UNC13C: variants seen among roughly 807,000 people sequenced by gnomAD.
UNC13C encodes the protein protein unc-13 homolog C.
A neutral mutation model predicts 245.4 loss-of-function variants in UNC13C; 174 were observed. That is an observed-to-expected ratio of 0.71 (90% CI 0.63 to 0.80). UNC13C has a LOEUF of 0.80. UNC13C is among the 30% of genes least tolerant of loss of function. The probability of loss-of-function intolerance (pLI) is 0.00; values close to 1 mark genes in which losing one functional copy is unlikely to be tolerated. For synonymous variants in UNC13C, 992 were observed against 895.1 expected, an observed-to-expected ratio of 1.11 and a Z score of -1.93; for missense variants, 2,829 against 2,602.9, an observed-to-expected ratio of 1.09 and a Z score of -1.89.
chr15:54,622,765 A>G (rs1395440336), intron 31 of UNC13C, among the ~76,000 whole-genome samples: 1 of 152,124 alleles, frequency 6.6e-6, no homozygotes, highest in Non-Finnish European at 1.5e-5. Flanking sequence ...TGCTTTTTCT[A>G]TATGATTTCC....
chr15:54,455,969 G>C, intron 19 of UNC13C, among the ~76,000 whole-genome samples: 1 of 152,036 alleles, frequency 6.6e-6, no homozygotes, highest in Non-Finnish European at 1.5e-5. Flanking sequence ...GACTTTTTCT[G>C]ATGTTATCTT....
intron 17 of UNC13C, among the ~76,000 whole-genome samples, chr15:54,369,749 A>G (rs546755140): frequency 2.0e-5 from 3 of 152,282 alleles, no homozygotes; most frequent in Non-Finnish European, 4.4e-5. Context: ...CACTCAGATT[A>G]GTCAACTTGC....
chr15:54,145,808 T>C (rs1328367000), intron 4 of UNC13C, among the ~76,000 whole-genome samples: 1 of 152,252 alleles, frequency 6.6e-6, no homozygotes, highest in African/African-American at 2.4e-5. Context: ...ATTTGCTAAC[T>C]CATGTCTGAA....
Position 54,290,752 on chromosome 15 carries a change from G to T in UNC13C, c.3819-3143G>T, listed in dbSNP as rs146652733. On this transcript the variant is annotated intron_variant, in intron 10 of 32. Coordinates refer to ENST00000260323, the MANE Select transcript of UNC13C (RefSeq NM_001080534.3). ...AAAAACTAGAAGCTCAAAAAAATTT[G>T]CCTCAAAATGAGATGGATATTTTTT... Among the ~76,000 whole-genome samples, 6 of 152,070 alleles carry T rather than the reference G, an allele frequency of 3.9e-5. No individual in the cohort carries two copies. The East Asian group carries it at 7.7e-4, about 20-fold the overall frequency.
chr15:53,918,950 A>G, the UNC13C span, among the ~76,000 whole-genome samples: 10 of 152,220 alleles, frequency 6.6e-5, no homozygotes, highest in African/African-American at 2.4e-4. Flanking sequence ...CAGCAGGCAG[A>G]AGTGAATGTG....
rs112145666 is a variant in UNC13C at position 54,027,628 on chromosome 15, C to T, written c.2983+11742C>T. Among the ~76,000 whole-genome samples, 7 of 152,254 alleles carry T rather than the reference C, an allele frequency of 4.6e-5. 1 individual carries two copies. Among genetic ancestry groups the T allele is most frequent in the African/African-American group, 1.7e-4 (7 of 41,536 alleles). On this transcript the variant is annotated intron_variant, in intron 2 of 32. Transcript: ENST00000260323. ...TCAAATGATCTGCCTGCCTCTGCCT[C>T]CCCAAGTGCTGGGATCACAGACGTA...
At chr15:54,089,059 C>A (rs184641812) in intron 2 of UNC13C, among the ~76,000 whole-genome samples, 3 of 152,252 alleles carry the variant, frequency 2.0e-5, no homozygotes, top group African/African-American at 7.2e-5. Context: ...TTCTTAGCGT[C>A]CCTTTTCCAC....
chr15:54,253,458 T>C (rs1035903457), intron 8 of UNC13C, among the ~76,000 whole-genome samples: 5 of 152,162 alleles, frequency 3.3e-5, no homozygotes, highest in African/African-American at 1.2e-4. Flanking sequence ...GGAGACCAAA[T>C]GGAAACAGGG....
intron 2 of UNC13C, among the ~76,000 whole-genome samples, chr15:54,033,281 A>G (rs1404358231): frequency 1.3e-5 from 2 of 152,204 alleles, no homozygotes; most frequent in African/African-American, 2.4e-5. Context: ...CAATATTCTG[A>G]TAAAAAGCTG....
intron 29 of UNC13C, among the ~76,000 whole-genome samples, chr15:54,556,944 C>T (rs1226044309): frequency 6.6e-6 from 1 of 151,986 alleles, no homozygotes; most frequent in African/African-American, 2.4e-5. Flanking sequence ...CAACATTTCT[C>T]TAATTTTTAT....
At chr15:53,872,371 G>T in the UNC13C span, among the ~76,000 whole-genome samples, 1 of 152,054 alleles carries the variant, frequency 6.6e-6, no homozygotes, top group African/African-American at 2.4e-5. Context: ...TTCCAGGTAA[G>T]GGGTTGGAGA....
chr15:54,061,452 G>C (rs990076090), intron 2 of UNC13C, among the ~76,000 whole-genome samples: 1 of 152,148 alleles, frequency 6.6e-6, no homozygotes, highest in Non-Finnish European at 1.5e-5. Flanking sequence ...CTGGACCAGA[G>C]TTATTTTTTT....
At chr15:53,933,931 T>C in the UNC13C span, among the ~76,000 whole-genome samples, 1 of 152,114 alleles carries the variant, frequency 6.6e-6, no homozygotes, top group Non-Finnish European at 1.5e-5. Flanking sequence ...AAGGAAAGAG[T>C]TTTAATTGGC....
At chr15:54,267,766 T>C (rs1344271961) in intron 10 of UNC13C, among the ~76,000 whole-genome samples, 1 of 152,002 alleles carries the variant, frequency 6.6e-6, no homozygotes, top group Non-Finnish European at 1.5e-5. Context: ...TTCTAGTGTT[T>C]AGGGTTTGTT....
intron 2 of UNC13C, among the ~76,000 whole-genome samples, chr15:54,126,156 T>C (rs1036686961): frequency 3.3e-5 from 5 of 152,082 alleles, no homozygotes; most frequent in African/African-American, 1.2e-4. Context: ...CATTAAATGG[T>C]GTAAATGCAC....
chr15:54,232,303 TAAACTC>T (rs1255477979), intron 4 of UNC13C, among the ~76,000 whole-genome samples: 1 of 152,114 alleles, frequency 6.6e-6, no homozygotes, highest in Non-Finnish European at 1.5e-5. Flanking sequence ...AATTCAGTGG[TAAACTC>T]AAAAGAGGCA....
At chr15:54,175,684 T>C (rs1190826640) in intron 4 of UNC13C, among the ~76,000 whole-genome samples, 1 of 152,028 alleles carries the variant, frequency 6.6e-6, no homozygotes, top group East Asian at 1.9e-4. Context: ...AGCTAATTTT[T>C]GTATTTTTAA....
intron 22 of UNC13C, among the ~76,000 whole-genome samples, chr15:54,506,170 C>A (rs908669883): frequency 5.9e-5 from 9 of 152,132 alleles, no homozygotes; most frequent in African/African-American, 2.2e-4. Context: ...TTACCTTAAG[C>A]AAGTTACAAT....
intron 4 of UNC13C, among the ~76,000 whole-genome samples, chr15:54,167,956 A>G (rs1397904473): frequency 1.3e-5 from 2 of 152,206 alleles, no homozygotes; most frequent in East Asian, 3.9e-4. Flanking sequence ...GTTAAAAACT[A>G]AAACAACATC....
Sources: gnomAD v4.1 joint callset for allele counts (sites outside exome capture counted in the v4.1 genomes callset) on GRCh38, gnomAD v4.1.1 for gene constraint, MANE v1.5 for transcripts, NCBI Gene and HGNC (gene_info 2026-07-23, HGNC 2026-07-21) for gene names.